ETNK1: variants seen among roughly 807,000 people sequenced by gnomAD.
The protein encoded by ETNK1 is putative protein product of Nbla10396.
ETNK1 carries 8 observed loss-of-function variants against 45.1 expected under a neutral mutation model. That is an observed-to-expected ratio of 0.18 (90% CI 0.10 to 0.32). The LOEUF is 0.32. Ranked by LOEUF, ETNK1 falls within the 10% of genes least tolerant of loss-of-function variation. ETNK1 has a pLI of 1.00. For missense variants in ETNK1, 302 were observed against 430.6 expected (o/e 0.70, Z 2.64); for synonymous variants, 152 against 151.9 (o/e 1.00, Z -0.01).
chr12:22,678,925 A>G lies in ETNK1; in HGVS notation c.945+5265A>G, dbSNP rs143294583. Among the ~76,000 whole-genome samples, 201 of 152,386 alleles carry G rather than the reference A, an allele frequency of 1.3e-3. 1 individual carries two copies. Among genetic ancestry groups the G allele is most frequent in the Middle Eastern group, 3.4e-3 (1 of 294 alleles). ...TATGTTTATATGTATTTTGAAGTCC[A>G]CTAGTTAAGGTCAGTTACTCACATG... On this transcript the variant is annotated intron_variant, in intron 6 of 7. Transcript: ENST00000266517.
chr12:22,670,227 G>T (rs1338753696), intron 4 of ETNK1, among the ~76,000 whole-genome samples: 2 of 152,110 alleles, frequency 1.3e-5, no homozygotes, highest in African/African-American at 4.8e-5. Flanking sequence ...TAAGCCTGAT[G>T]ATTAAAAGAC....
chr12:22,679,367 C>G, intron 6 of ETNK1, among the ~76,000 whole-genome samples: 1 of 152,142 alleles, frequency 6.6e-6, no homozygotes, highest in East Asian at 1.9e-4. Context: ...GCCAGAAAAC[C>G]CAGCAAGCAA....
At chr12:22,626,199 G>C (rs1953492958) in intron 1 of ETNK1, 1 of 190,174 alleles carries the variant, frequency 5.3e-6, no homozygotes, top group African/African-American at 2.4e-5. Context: ...ATTAATACCT[G>C]ATACTAGAAG....
intron 2 of ETNK1, among the ~76,000 whole-genome samples, chr12:22,648,367 C>G (rs1592122062): frequency 6.6e-6 from 1 of 152,012 alleles, no homozygotes; most frequent in African/African-American, 2.4e-5. Context: ...TGTGCTCTGC[C>G]TATTCATCCC....
At chr12:22,679,706 T>G (rs1047559824) in intron 6 of ETNK1, among the ~76,000 whole-genome samples, 5 of 150,158 alleles carry the variant, frequency 3.3e-5, no homozygotes, top group African/African-American at 9.8e-5. Context: ...TTTTTTGTTT[T>G]TTTTTTTTTT....
intron 1 of ETNK1, chr12:22,625,847 G>A (rs779614596): frequency 1.5e-6 from 1 of 687,746 alleles, no homozygotes; most frequent in East Asian, 2.8e-5. Context: ...CCATCCACGG[G>A]GGGAGATTCC....
At chr12:22,639,525 A>T (rs1361489318) in intron 1 of ETNK1, among the ~76,000 whole-genome samples, 1 of 152,080 alleles carries the variant, frequency 6.6e-6, no homozygotes, top group Non-Finnish European at 1.5e-5. Flanking sequence ...AAAAATACAA[A>T]AATTAGCCAG....
chr12:22,647,154 A>C (rs1953817651), intron 2 of ETNK1, among the ~76,000 whole-genome samples: 1 of 151,798 alleles, frequency 6.6e-6, no homozygotes, highest in Non-Finnish European at 1.5e-5. Flanking sequence ...ACCTTCAGAA[A>C]ATTTTTTAAA....
Position 22,671,344 on chromosome 12 carries a change from A to C in ETNK1, c.773A>C (p.Asn258Thr). ...YLAYDIGNHF[N>T]EFAGVSDVDY... ...GCATATGATATTGGAAATCATTTCA[A>C]TGAATTTGCAGGTATAACTAATGGA... Residue 258 changes from asparagine to threonine, a missense_variant, in exon 5 of 8, where the codon AAT (asparagine) becomes ACT (threonine). Around this residue, in one of 3 missense-constraint regions of ETNK1, gnomAD observed 94 missense variants for 152.9 expected, o/e 0.61. Coordinates refer to ENST00000266517, the MANE Select transcript of ETNK1 (RefSeq NM_018638.5). The C allele has an allele frequency of 6.3e-7, 1 of 1,595,736 alleles. No homozygotes were observed. Among genetic ancestry groups the C allele is most frequent in the East Asian group, 2.2e-5 (1 of 44,728 alleles).
At chr12:22,630,370 T>C (rs933943778) in intron 1 of ETNK1, among the ~76,000 whole-genome samples, 1 of 152,106 alleles carries the variant, frequency 6.6e-6, no homozygotes. Flanking sequence ...TCAGTAAGAG[T>C]CCTTGTACAA....
chr12:22,630,249 C>T (rs11046502), intron 1 of ETNK1, among the ~76,000 whole-genome samples: 34,912 of 151,988 alleles, frequency 0.23, 4,837 homozygotes, highest in Non-Finnish European at 0.32. Flanking sequence ...TTTGGTACTA[C>T]GTTCTTCCAC....
intron 1 of ETNK1, among the ~76,000 whole-genome samples, chr12:22,638,063 A>G (rs995441308): frequency 1.3e-5 from 2 of 152,080 alleles, no homozygotes; most frequent in Admixed American, 6.5e-5. Context: ...AAAAAAAAGC[A>G]TATGGTAGGT....
rs573157696 is a variant in ETNK1 at position 22,626,454 on chromosome 12, G to C, written c.156+868G>C. ...AAAAAAACAGTAATTTTCAAGATTG[G>C]GATATTTGGGATTTGTTCTAAATCT... On this transcript the variant is annotated intron_variant, in intron 1 of 7. Coordinates refer to ENST00000266517, the MANE Select transcript of ETNK1 (RefSeq NM_018638.5). Among the ~76,000 whole-genome samples, 4 of 152,060 alleles carry C rather than the reference G, an allele frequency of 2.6e-5. No individual in the cohort carries two copies. The South Asian group carries it at 8.3e-4, about 32-fold the overall frequency.
chr12:22,653,836 T>C (rs1953908132), intron 2 of ETNK1, among the ~76,000 whole-genome samples: 1 of 152,186 alleles, frequency 6.6e-6, no homozygotes, highest in Admixed American at 6.5e-5. Context: ...GATTAGGCCA[T>C]AGTTAATTTT....
chr12:22,679,879 A>G (rs1954197541), intron 6 of ETNK1, among the ~76,000 whole-genome samples: 1 of 151,834 alleles, frequency 6.6e-6, no homozygotes, highest in Admixed American at 6.6e-5. Flanking sequence ...TTTGGTAAAG[A>G]CGGGGTTTCA....
At chr12:22,672,474 T>G (rs1308371829) in intron 5 of ETNK1, among the ~76,000 whole-genome samples, 1 of 152,178 alleles carries the variant, frequency 6.6e-6, no homozygotes, top group Non-Finnish European at 1.5e-5. Context: ...ACTACCAAGC[T>G]TATCATATAC....
chr12:22,667,723 T>C (rs1244220957), intron 4 of ETNK1, among the ~76,000 whole-genome samples: 1 of 152,232 alleles, frequency 6.6e-6, no homozygotes, highest in Non-Finnish European at 1.5e-5. Flanking sequence ...CAGGTTCTCA[T>C]ATTGACTATT....
chr12:22,664,918 G>A (rs1954039325), intron 4 of ETNK1, among the ~76,000 whole-genome samples: 1 of 152,096 alleles, frequency 6.6e-6, no homozygotes, highest in Non-Finnish European at 1.5e-5. Context: ...TCTGCAGTAT[G>A]TTTCAGACCC....
intron 1 of ETNK1, among the ~76,000 whole-genome samples, chr12:22,630,843 T>C (rs1011587679): frequency 1.3e-5 from 2 of 152,070 alleles, no homozygotes; most frequent in African/African-American, 4.8e-5. Flanking sequence ...ATGCCTGACC[T>C]CAAGTGATCC....
Sources: gnomAD v4.1 joint callset for allele counts (sites outside exome capture counted in the v4.1 genomes callset) on GRCh38, gnomAD v4.1.1 for gene constraint, gnomAD v4.1.1 regional missense constraint, MANE v1.5 for transcripts, NCBI Gene and HGNC (gene_info 2026-07-23, HGNC 2026-07-21) for gene names.